The following RNF150 variants were observed in gnomAD, a reference collection of about 807,000 sequenced individuals.
The protein encoded by RNF150 is ring finger protein 150.
In RNF150, 24 loss-of-function variants were observed where a neutral mutation model predicts 39.3. The ratio of observed to expected loss-of-function variants is 0.61; its 90% confidence interval spans 0.44 to 0.86. The LOEUF is 0.86. Among genes scored for constraint, RNF150 ranks in the 40% least tolerant of loss-of-function variants. The pLI is 0.00. For synonymous variants in RNF150, 255 were observed against 227.3 expected, an observed-to-expected ratio of 1.12 and a Z score of -1.10; for missense variants, 502 against 587.8, an observed-to-expected ratio of 0.85 and a Z score of 1.51.
intron 1 of RNF150, among the ~76,000 whole-genome samples, chr4:141,152,409 C>T (rs959469174): frequency 2.0e-5 from 3 of 152,062 alleles, no homozygotes; most frequent in African/African-American, 4.8e-5. Context: ...TTTGATAAAA[C>T]GAATATGAAC....
intron 1 of RNF150, among the ~76,000 whole-genome samples, chr4:141,150,643 A>G (rs1261429062): frequency 6.6e-6 from 1 of 152,198 alleles, no homozygotes; most frequent in East Asian, 1.9e-4. Context: ...GAAAAGAGAC[A>G]CTGTCCCTCT....
chr4:140,992,148 A>G (rs1306345717), intron 1 of RNF150, among the ~76,000 whole-genome samples: 1 of 152,154 alleles, frequency 6.6e-6, no homozygotes, highest in East Asian at 1.9e-4. Flanking sequence ...TAGCCTTCAG[A>G]ATTTCTATCT....
At chr4:141,206,228 G>GGCC (rs1421398776) in intron 1 of RNF150, among the ~76,000 whole-genome samples, 1 of 151,924 alleles carries the variant, frequency 6.6e-6, no homozygotes, top group Non-Finnish European at 1.5e-5. Flanking sequence ...GGACCAGTCT[G>GGCC]GCCAACATGG....
At chr4:141,197,923 A>C (rs559548787) in intron 1 of RNF150, among the ~76,000 whole-genome samples, 21 of 152,218 alleles carry the variant, frequency 1.4e-4, no homozygotes, top group African/African-American at 5.1e-4. Flanking sequence ...CAATAAGCAG[A>C]GTGCTCAACA....
chr4:140,960,910 C>A (rs2111404771), intron 2 of RNF150, among the ~76,000 whole-genome samples: 1 of 152,202 alleles, frequency 6.6e-6, no homozygotes, highest in South Asian at 2.1e-4. Flanking sequence ...AATAATATGT[C>A]ACGCATATTT....
At chr4:141,142,658 C>T (rs1727137992) in intron 1 of RNF150, among the ~76,000 whole-genome samples, 1 of 152,174 alleles carries the variant, frequency 6.6e-6, no homozygotes, top group South Asian at 2.1e-4. Flanking sequence ...CTTCTTTCCT[C>T]ACCTTACGTA....
At chr4:141,013,851 C>G (rs755732971) in intron 1 of RNF150, among the ~76,000 whole-genome samples, 5 of 152,048 alleles carry the variant, frequency 3.3e-5, no homozygotes, top group Non-Finnish European at 5.9e-5. Flanking sequence ...ACATCTGAAA[C>G]TTACTGTTAT....
At chr4:141,124,862 C>T (rs964036396) in intron 1 of RNF150, among the ~76,000 whole-genome samples, 3 of 152,176 alleles carry the variant, frequency 2.0e-5, no homozygotes, top group Admixed American at 1.3e-4. Context: ...ACATTTAATA[C>T]AGAATTATTT....
At chr4:141,182,816 A>G (rs1727933911) in intron 1 of RNF150, among the ~76,000 whole-genome samples, 1 of 130,970 alleles carries the variant, frequency 7.6e-6, no homozygotes, top group Non-Finnish European at 1.6e-5. Flanking sequence ...TCTTCACAGA[A>G]TTGGAAAAAA....
In RNF150 at chr4:140,931,006, C is replaced by T. The variant is rs904081626; in HGVS notation, c.891-4933G>A. 2.6e-5 allele frequency among the ~76,000 whole-genome samples: 4 copies of T among 151,694 alleles called. 1 individual carries two copies. The highest frequency in any genetic ancestry group is 9.7e-5 in the African/African-American group (4 of 41,234). On this transcript the variant is annotated intron_variant, in intron 4 of 6. Coordinates refer to ENST00000515673, the MANE Select transcript of RNF150 (RefSeq NM_020724.2). ...CTTAGCTCTGTAAGATTCAGCTCCT[C>T]ATCAGTGAAATTTTGTCTTATAGGT...
At chr4:140,879,674 T>C (rs1248353478) in intron 6 of RNF150, among the ~76,000 whole-genome samples, 1 of 151,966 alleles carries the variant, frequency 6.6e-6, no homozygotes, top group Non-Finnish European at 1.5e-5. Context: ...GAAAAAAAAC[T>C]AGCCTGGCAT....
At chr4:141,062,961 T>C (rs1394831220) in intron 1 of RNF150, among the ~76,000 whole-genome samples, 1 of 152,184 alleles carries the variant, frequency 6.6e-6, no homozygotes, top group African/African-American at 2.4e-5. Context: ...TAAATTTGCT[T>C]AGGATGATGG....
At chr4:141,050,880 C>T (rs1340694976) in intron 1 of RNF150, among the ~76,000 whole-genome samples, 1 of 152,208 alleles carries the variant, frequency 6.6e-6, no homozygotes, top group Admixed American at 6.5e-5. Context: ...CTAGGTAGTG[C>T]CCCAGTAGGG....
chr4:141,123,086 C>T (rs945567059), intron 1 of RNF150, among the ~76,000 whole-genome samples: 4 of 152,174 alleles, frequency 2.6e-5, no homozygotes, highest in African/African-American at 9.7e-5. Flanking sequence ...ATTAGAACTT[C>T]CCCCACTTTA....
intron 1 of RNF150, among the ~76,000 whole-genome samples, chr4:141,179,727 C>A (rs1727873954): frequency 6.6e-6 from 1 of 152,132 alleles, no homozygotes; most frequent in East Asian, 1.9e-4. Flanking sequence ...GCTACTCAAT[C>A]CTTATGCTAT....
intron 1 of RNF150, among the ~76,000 whole-genome samples, chr4:141,152,177 T>A (rs1035982533): frequency 1.9e-4 from 29 of 152,226 alleles, no homozygotes; most frequent in African/African-American, 6.8e-4. Flanking sequence ...TACAGAATTA[T>A]ATTATGCCAC....
intron 1 of RNF150, among the ~76,000 whole-genome samples, chr4:141,152,034 A>T (rs1224944147): frequency 6.6e-6 from 1 of 152,220 alleles, no homozygotes; most frequent in Non-Finnish European, 1.5e-5. Context: ...GAGTTCAGTA[A>T]CAGCGATAAA....
chr4:141,169,962 A>G (rs1727670091), intron 1 of RNF150, among the ~76,000 whole-genome samples: 1 of 152,190 alleles, frequency 6.6e-6, no homozygotes, highest in African/African-American at 2.4e-5. Context: ...AGAAAAATAT[A>G]GGAAATGGAT....
At chr4:141,000,867 AC>A (rs1734643138) in intron 1 of RNF150, among the ~76,000 whole-genome samples, 1 of 152,224 alleles carries the variant, frequency 6.6e-6, no homozygotes. Context: ...CACAAATGGT[AC>A]CAAATATAAA....
Sources: gnomAD v4.1 joint callset for allele counts (sites outside exome capture counted in the v4.1 genomes callset) on GRCh38, gnomAD v4.1.1 for gene constraint, MANE v1.5 for transcripts, NCBI Gene and HGNC (gene_info 2026-07-23, HGNC 2026-07-21) for gene names.